Variants in OSBPL3 observed in about 807,000 individuals in gnomAD.
OSBPL3 encodes oxysterol binding protein like 3.
OSBPL3 carries 65 observed loss-of-function variants against 120.1 expected under a neutral mutation model. That is an observed-to-expected ratio of 0.54 (90% CI 0.44 to 0.67). The LOEUF is 0.67. OSBPL3 is among the 30% of genes least tolerant of loss of function. The pLI, the probability that OSBPL3 is intolerant of heterozygous loss-of-function variation, is 0.00. For synonymous variants in OSBPL3, 416 were observed against 402.6 expected (o/e 1.03, Z -0.40); for missense variants, 1,004 against 1,082.1 (o/e 0.93, Z 1.01).
intron 2 of OSBPL3, among the ~76,000 whole-genome samples, chr7:24,885,287 T>C (rs1459313936): frequency 1.3e-5 from 2 of 151,352 alleles, no homozygotes; most frequent in African/African-American, 4.9e-5. Context: ...ACAGCTGAAA[T>C]GATAAACACC....
At chr7:24,869,589 G>A (rs1801824091) in intron 5 of OSBPL3, among the ~76,000 whole-genome samples, 1 of 152,214 alleles carries the variant, frequency 6.6e-6, no homozygotes, top group African/African-American at 2.4e-5. Context: ...AGAGAGGGCA[G>A]GGGGCAGGGA....
intron 1 of OSBPL3, among the ~76,000 whole-genome samples, chr7:24,923,752 G>A (rs542926633): frequency 3.9e-5 from 6 of 152,268 alleles, no homozygotes; most frequent in South Asian, 2.1e-4. Flanking sequence ...GCGGGCGGCC[G>A]GGTGGGGAGA....
chr7:24,980,405 G>T (rs2072094), upstream of OSBPL3, among the ~76,000 whole-genome samples: 14,057 of 152,022 alleles, frequency 0.092, 1,145 homozygotes, highest in East Asian at 0.27. Context: ...CCCGGATTCC[G>T]GATGGGTTGG....
At chr7:24,836,059 C>T (rs902941740) in intron 14 of OSBPL3, among the ~76,000 whole-genome samples, 3 of 151,854 alleles carry the variant, frequency 2.0e-5, no homozygotes, top group African/African-American at 7.3e-5. Flanking sequence ...ACATGTACCC[C>T]TGAACCTAAG....
rs1792661149 is a variant in OSBPL3 at position 24,803,695 on chromosome 7, C to T, written c.2567+620G>A. ...CTGAGGCAGGAGAATCGCTTGAACC[C>T]AGGAGGTGGAGGCTGCAGTGAGTCA... On this transcript the variant is annotated intron_variant, in intron 22 of 22. Transcript: ENST00000313367. The surrounding 1 kb of genome is among the most constrained non-coding windows in gnomAD (Gnocchi z 4.2). Among the ~76,000 whole-genome samples the T allele has an allele frequency of 6.6e-6, 1 of 151,976 alleles. No individual in the cohort carries two copies. Among genetic ancestry groups the T allele is most frequent in the Non-Finnish European group, 1.5e-5 (1 of 67,984 alleles).
Position 24,946,322 on chromosome 7 carries a change from C to T in OSBPL3, c.-150+33564G>A, listed in dbSNP as rs12533171. On this transcript the variant is annotated intron_variant, in intron 1 of 22. Transcript: ENST00000313367. The surrounding 1 kb of genome is among the most constrained non-coding windows in gnomAD (Gnocchi z 4.3). Reference sequence around the variant, plus strand: ...CCTAGACTACTAAGTTGTCACATAGCGTTATTTTTGCCGTACTTTTATTGG... The same window carrying T: ...CCTAGACTACTAAGTTGTCACATAGTGTTATTTTTGCCGTACTTTTATTGG... Among the ~76,000 whole-genome samples, 1 of 151,914 alleles carries T rather than the reference C, an allele frequency of 6.6e-6. No individual in the cohort carries two copies. The highest frequency in any genetic ancestry group is 6.6e-5 in the Admixed American group (1 of 15,258).
intron 11 of OSBPL3, among the ~76,000 whole-genome samples, chr7:24,850,862 A>G (rs1039550681): frequency 5.9e-5 from 9 of 152,216 alleles, no homozygotes; most frequent in Non-Finnish European, 8.8e-5. Context: ...TAAAAATTTT[A>G]TTTTCAAAAA....
In OSBPL3 at chr7:24,819,825, T is replaced by C. The variant is rs1218042547; in HGVS notation, c.1948+350A>G. Among the ~76,000 whole-genome samples the C allele has an allele frequency of 2.0e-5, 3 of 152,088 alleles. No individual in the cohort carries two copies. Among genetic ancestry groups the C allele is most frequent in the South Asian group, 2.1e-4 (1 of 4,826 alleles). On this transcript the variant is annotated intron_variant, in intron 17 of 22. Transcript: ENST00000313367. This position sits in a 1 kb window ranked among gnomAD's most constrained non-coding sequence, Gnocchi z 4.1. ...CAATCATCTCAAAAATGAAAAGAAG[T>C]AAGCAATGTAAAACACGACTTCAGA...
intron 1 of OSBPL3, among the ~76,000 whole-genome samples, chr7:24,973,352 C>T (rs1817235871): frequency 6.6e-6 from 1 of 152,202 alleles, no homozygotes; most frequent in African/African-American, 2.4e-5. Flanking sequence ...TTTAAACCCA[C>T]ACAATATTAT....
chr7:24,963,340 C>T (rs886861455), intron 1 of OSBPL3, among the ~76,000 whole-genome samples: 1 of 152,196 alleles, frequency 6.6e-6, no homozygotes, highest in Non-Finnish European at 1.5e-5. Flanking sequence ...ACACAGAGGC[C>T]AGTCATGTGG....
intron 1 of OSBPL3, among the ~76,000 whole-genome samples, chr7:24,973,826 A>T (rs1817286930): frequency 6.6e-6 from 1 of 152,176 alleles, no homozygotes; most frequent in Admixed American, 6.5e-5. Flanking sequence ...TCCAGACTTT[A>T]AAAAAGATGA....
chr7:24,808,214 T>G lies in OSBPL3; in HGVS notation c.2318-1312A>C, dbSNP rs752707690. 7.2e-5 allele frequency among the ~76,000 whole-genome samples: 11 copies of G among 152,180 alleles called. No individual in the cohort carries two copies. The highest frequency in any genetic ancestry group is 1.2e-4 in the Non-Finnish European group (8 of 68,042). ...CCATGCCCGACTGGGACCCATTTTT[T>G]GAATCTTCATAAGTCCTCCTTGTAA... is the stretch of plus-strand genomic sequence containing the variant. On this transcript the variant is annotated intron_variant, in intron 20 of 22. Transcript: ENST00000313367. The surrounding 1 kb of genome is among the most constrained non-coding windows in gnomAD (Gnocchi z 4.6).
intron 16 of OSBPL3, among the ~76,000 whole-genome samples, chr7:24,825,554 G>T (rs1795611236): frequency 1.3e-5 from 2 of 152,210 alleles, no homozygotes; most frequent in South Asian, 2.1e-4. Context: ...TGGTTTAGTT[G>T]TCTCATATTT....
At chr7:24,935,873 A>T (rs1041134332) in intron 1 of OSBPL3, among the ~76,000 whole-genome samples, 1 of 152,146 alleles carries the variant, frequency 6.6e-6, no homozygotes, top group African/African-American at 2.4e-5. Context: ...ATATTCTCGA[A>T]GAAGGAATCT....
Position 24,899,324 on chromosome 7 carries a change from G to A in OSBPL3, c.-149-6703C>T, listed in dbSNP as rs563988372. On this transcript the variant is annotated intron_variant, in intron 1 of 22. Transcript: ENST00000313367. This position sits in a 1 kb window ranked among gnomAD's most constrained non-coding sequence, Gnocchi z 4.0. ...ATACTGCTGGATTTGCCTTAGCTTT[G>A]GGGGAACTTGCATCTCTTTCCAGTT... Among the ~76,000 whole-genome samples, 14 of 152,274 alleles carry A rather than the reference G, an allele frequency of 9.2e-5. No homozygotes were observed. Among genetic ancestry groups the A allele is most frequent in the African/African-American group, 3.1e-4 (13 of 41,558 alleles).
At position 24,950,640 on chromosome 7, in the gene OSBPL3, C is replaced by T. The variant is rs528088313; in HGVS notation, c.-150+29246G>A. Among the ~76,000 whole-genome samples the T allele has an allele frequency of 1.0e-3, 155 of 152,254 alleles. 1 individual carries two copies. Among genetic ancestry groups the T allele is most frequent in the African/African-American group, 3.5e-3 (145 of 41,560 alleles). On this transcript the variant is annotated intron_variant, in intron 1 of 22. Transcript: ENST00000313367. ...GGGCGGCTGAGGCAGGAGAATGGCA[C>T]GAACCCAAGAGGCGAAGCTTGCAGT...
At chr7:24,853,929 C>T (rs1171095824) in intron 10 of OSBPL3, among the ~76,000 whole-genome samples, 2 of 152,166 alleles carry the variant, frequency 1.3e-5, no homozygotes, top group Non-Finnish European at 2.9e-5. Flanking sequence ...CTTCCAGCTG[C>T]AGGACCCAGA....
Position 24,820,056 on chromosome 7 carries a change from C to G in OSBPL3, c.1948+119G>C, listed in dbSNP as rs564053935. On this transcript the variant is annotated intron_variant, in intron 17 of 22. Coordinates refer to ENST00000313367, the MANE Select transcript of OSBPL3 (RefSeq NM_015550.4). This position sits in a 1 kb window ranked among gnomAD's most constrained non-coding sequence, Gnocchi z 4.6. The stretch of plus-strand genomic sequence containing the variant: ...GAACAGGTGGCGCAGATCCTTCCAA[C>G]CAGGCCCAAATCCAAGGACCACTTT... 36 of 677,374 alleles carry G rather than the reference C, an allele frequency of 5.3e-5. No individual in the cohort carries two copies. In the East Asian group the frequency reaches 1.1e-3, roughly 20 times the overall value. The allele number at this position is 677,374 out of a possible 1,614,324, so 42.0% of individuals were successfully genotyped here. A position where few individuals can be genotyped will look rare whatever the true frequency, so the allele number is the denominator to read the frequency against.
intron 19 of OSBPL3, 90 bp downstream of exon 19, chr7:24,814,969 G>A: frequency 7.8e-7 from 1 of 1,281,700 alleles, no homozygotes; most frequent in Non-Finnish European, 1.1e-6. Flanking sequence ...AAAGGTGAAG[G>A]CGAAAAATCT....
Sources: allele counts gnomAD v4.1 joint callset (sites outside exome capture counted in the v4.1 genomes callset), GRCh38; gene constraint gnomAD v4.1.1; non-coding constraint Gnocchi (gnomAD v3.1); transcripts MANE v1.5; gene names NCBI Gene and HGNC (gene_info 2026-07-23, HGNC 2026-07-21).